Variants in TTC8 observed in about 807,000 individuals in gnomAD.
TTC8 encodes the protein tetratricopeptide repeat domain 8, also known as tetratricopeptide repeat protein 8.
Under a neutral mutation model 72.5 loss-of-function variants are expected in TTC8, and 47 were observed. The ratio of observed to expected loss-of-function variants is 0.65; its 90% CI spans 0.51 to 0.83. The LOEUF is 0.83. TTC8 is among the 40% of genes least tolerant of loss of function. The pLI is 0.00. For synonymous variants in TTC8, 199 were observed against 221.4 expected, an observed-to-expected ratio of 0.90 and a Z score of 0.90; for missense variants, 611 against 623.2, an observed-to-expected ratio of 0.98 and a Z score of 0.21.
chr14:88,828,289 G>A (rs999976175), intron 1 of TTC8, among the ~76,000 whole-genome samples: 3 of 151,992 alleles, frequency 2.0e-5, no homozygotes, highest in Non-Finnish European at 4.4e-5. Context: ...TCTTTGTTTC[G>A]GTGGAGGAAG....
rs2094779129 is a variant in TTC8, at chr14:88,841,133, C to G, written c.426C>G (p.Pro142=). The G allele has an allele frequency of 3.1e-6, 5 of 1,614,136 alleles. No individual in the cohort carries two copies. Among genetic ancestry groups the G allele is most frequent in the Non-Finnish European group, 4.2e-6 (5 of 1,180,022 alleles). The change falls in exon 5 of 15, where the codon CCC becomes CCG. Residue 142 remains proline (P), a synonymous_variant. Coordinates refer to ENST00000380656, the MANE Select transcript of TTC8 (RefSeq NM_144596.4). ...PGTMEQAIRT[P]RTAYTARPIT... Reference sequence around the variant, plus strand: ...CTATGGAACAGGCTATCAGAACACCCAGAACCGCCTACACAGCCCGCCCTA... The same window carrying G: ...CTATGGAACAGGCTATCAGAACACCGAGAACCGCCTACACAGCCCGCCCTA...
intron 14 of TTC8, among the ~76,000 whole-genome samples, chr14:88,875,353 A>C (rs2094953095): frequency 6.6e-6 from 1 of 152,162 alleles, no homozygotes; most frequent in South Asian, 2.1e-4. Context: ...TATGTTTTGA[A>C]ATATGGCATT....
intron 7 of TTC8, among the ~76,000 whole-genome samples, chr14:88,849,654 A>G (rs1240308323): frequency 1.3e-5 from 2 of 152,166 alleles, no homozygotes; most frequent in Non-Finnish European, 1.5e-5. Context: ...GGGGGTGGGC[A>G]GTATCAACGA....
intron 2 of TTC8, 144 bp downstream of exon 2, chr14:88,833,866 C>A (rs1440184737): frequency 4.2e-6 from 3 of 719,666 alleles, no homozygotes; most frequent in Non-Finnish European, 7.5e-6. Context: ...TCTGTGCCTT[C>A]TTATGTAAAT....
At chr14:88,829,813 A>C (rs941394081) in intron 1 of TTC8, among the ~76,000 whole-genome samples, 2 of 152,242 alleles carry the variant, frequency 1.3e-5, no homozygotes, top group Non-Finnish European at 2.9e-5. Context: ...GGGCTCCCCA[A>C]TGAGCTGTAT....
At chr14:88,860,309 A>T (rs2094879680) in intron 9 of TTC8, among the ~76,000 whole-genome samples, 1 of 152,146 alleles carries the variant, frequency 6.6e-6, no homozygotes, top group African/African-American at 2.4e-5. Flanking sequence ...AAATCATGGA[A>T]AAAAAGTGTC....
rs150162076 is a variant in TTC8 at position 88,843,403 on chromosome 14, C to A, written c.580-403C>A. Among the ~76,000 whole-genome samples, 80 of 152,258 alleles carry A rather than the reference C, an allele frequency of 5.3e-4. No individual in the cohort carries two copies. In the East Asian group the frequency reaches 0.012, roughly 23 times the overall value. ...TAAAAATTAAGCAAAAAACACCCTGCTTTACCCTTGTACTCTACTTTGTTT... is the reference window on the plus strand; with the variant it reads ...TAAAAATTAAGCAAAAAACACCCTGATTTACCCTTGTACTCTACTTTGTTT... On this transcript the variant is annotated intron_variant, in intron 6 of 14. Coordinates refer to ENST00000380656, the MANE Select transcript of TTC8 (RefSeq NM_144596.4).
intron 8 of TTC8, among the ~76,000 whole-genome samples, chr14:88,856,903 G>C (rs1249269517): frequency 6.6e-6 from 1 of 152,134 alleles, no homozygotes; most frequent in Non-Finnish European, 1.5e-5. Context: ...TCTTTGGGTG[G>C]TGAACTGATG....
chr14:88,824,664 C>A lies in TTC8; in HGVS notation c.-44C>A. 6.6e-7 allele frequency: 1 copy of A among 1,518,690 alleles called. No individual in the cohort carries two copies. The highest frequency in any genetic ancestry group is 2.4e-5 in the East Asian group (1 of 41,770). The allele number at this position is 1,518,690 out of a possible 1,614,324, so 94.1% of individuals were successfully genotyped here. A position where few individuals can be genotyped will look rare whatever the true frequency, so the allele number is the denominator to read the frequency against. ...CGCCAGCTCTTCACTCCACGCCCAC[C>A]TCTCTCCTGGAGCGCTGGGCCTTCG... On this transcript the variant is annotated 5_prime_UTR_variant, in exon 1 of 15. Transcript: ENST00000380656.
intron 10 of TTC8, among the ~76,000 whole-genome samples, chr14:88,862,643 C>T (rs182602802): frequency 4.7e-5 from 6 of 128,088 alleles, no homozygotes; most frequent in Non-Finnish European, 8.1e-5. Flanking sequence ...ATCGCAGTGA[C>T]GTAATCATAA....
rs1455383068 is a variant in TTC8, at chr14:88,871,232, G to C, written c.1050-317G>C. Among the ~76,000 whole-genome samples the C allele has an allele frequency of 6.6e-6, 1 of 152,194 alleles. No homozygotes were observed. The highest frequency in any genetic ancestry group is 2.4e-5 in the African/African-American group (1 of 41,436). On this transcript the variant is annotated intron_variant, in intron 11 of 14. Coordinates refer to ENST00000380656, the MANE Select transcript of TTC8 (RefSeq NM_144596.4). The surrounding 1 kb of genome is among the most constrained non-coding windows in gnomAD (Gnocchi z 4.1). ...CCTATGGGCAGCAAAGCTTTATAAA[G>C]CTGAAGTGTGTGGGCGTTACTTTTT...
rs565745874 is a variant in TTC8, at chr14:88,833,339, C to T, written c.115-354C>T. Among the ~76,000 whole-genome samples, 7 of 152,124 alleles carry T rather than the reference C, an allele frequency of 4.6e-5. No homozygotes were observed. The South Asian group carries it at 8.3e-4, about 18-fold the overall frequency. On this transcript the variant is annotated intron_variant, in intron 1 of 14. Coordinates refer to ENST00000380656, the MANE Select transcript of TTC8 (RefSeq NM_144596.4). Reference sequence around the variant, plus strand: ...AGTGATTAAAGTCTGAATGTTTTAACCACCGTGAACTTATTTTTGAATAAA... The same window carrying T: ...AGTGATTAAAGTCTGAATGTTTTAATCACCGTGAACTTATTTTTGAATAAA...
At chr14:88,833,577 G>T (rs2094736283) in intron 1 of TTC8, 116 bp from the exon 2 acceptor site, 6 of 848,270 alleles carry the variant, frequency 7.1e-6, no homozygotes, top group Non-Finnish European at 1.2e-5. Context: ...TTAATTTTTT[G>T]GATTCTTATT....
At chr14:88,834,652 G>A (rs1457926964) in intron 2 of TTC8, among the ~76,000 whole-genome samples, 1 of 151,972 alleles carries the variant, frequency 6.6e-6, no homozygotes, top group Non-Finnish European at 1.5e-5. Context: ...TTTGTCTTTT[G>A]AATGTTCATA....
chr14:88,866,768 A>C lies in TTC8; in HGVS notation c.910-3291A>C, dbSNP rs149837604. 3.9e-5 allele frequency among the ~76,000 whole-genome samples: 6 copies of C among 152,286 alleles called. No individual in the cohort carries two copies. In the East Asian group the frequency reaches 1.2e-3, roughly 29 times the overall value. ...GCTCTTTTCATCTGGAATAGAACAC[A>C]GTCAGTGCCCAGGGATTCTTGAGCC... is the stretch of plus-strand genomic sequence containing the variant. On this transcript the variant is annotated intron_variant, in intron 10 of 14. Coordinates refer to ENST00000380656, the MANE Select transcript of TTC8 (RefSeq NM_144596.4).
In TTC8 at chr14:88,865,966, T is replaced by C. The variant is rs373243122; in HGVS notation, c.910-4093T>C. ...AAGATAGCCTATTAAGCCAATTGCA[T>C]TACTTGGTTATTTAATAAATAGTTT... is the stretch of plus-strand genomic sequence containing the variant. On this transcript the variant is annotated intron_variant, in intron 10 of 14. Transcript: ENST00000380656. 2.6e-4 allele frequency among the ~76,000 whole-genome samples: 39 copies of C among 152,098 alleles called. 1 individual carries two copies. Among genetic ancestry groups the C allele is most frequent in the African/African-American group, 9.2e-4 (38 of 41,500 alleles).
chr14:88,853,049 T>C lies in TTC8; in HGVS notation c.703T>C (p.Tyr235His), dbSNP rs2094840401. The C allele has an allele frequency of 6.2e-7, 1 of 1,611,818 alleles. No individual in the cohort carries two copies. Among genetic ancestry groups the C allele is most frequent in the Admixed American group, 1.7e-5 (1 of 59,928 alleles). ...GTGGAAAGTACAGATTGGAAAATGT[T>C]ACTACAGGTAAATTTCATTATTTGT... is the stretch of plus-strand genomic sequence containing the variant. ...WWWKVQIGKCYYRLGMYREAE... is the reference protein window; with the variant it reads ...WWWKVQIGKCHYRLGMYREAE... Residue 235 changes from tyrosine (Y) to histidine (H), a missense_variant, in exon 8 of 15, where the codon TAC becomes CAC. Transcript: ENST00000380656.
intron 1 of TTC8, chr14:88,830,810 C>T (rs998473242): frequency 4.4e-6 from 2 of 455,250 alleles, no homozygotes; most frequent in African/African-American, 4.0e-5. Context: ...AGGAAAGGCT[C>T]AGTGATTTTT....
intron 13 of TTC8, 117 bp from the exon 14 acceptor site, chr14:88,874,909 G>A (rs759182481): frequency 5.5e-5 from 37 of 667,470 alleles, no homozygotes; most frequent in South Asian, 1.6e-4. Flanking sequence ...TCACAGGCTC[G>A]TGTTATTAAA....
Sources: gnomAD v4.1 joint callset for allele counts (sites outside exome capture counted in the v4.1 genomes callset) on GRCh38, gnomAD v4.1.1 for gene constraint, Gnocchi (gnomAD v3.1) non-coding constraint, MANE v1.5 for transcripts, NCBI Gene and HGNC (gene_info 2026-07-23, HGNC 2026-07-21) for gene names.